The following CNTLN variants were observed in gnomAD, a reference collection of about 807,000 sequenced individuals.
CNTLN encodes centlein, centrosomal protein.
CNTLN carries 212 observed loss-of-function variants against 180.0 expected under a neutral mutation model. The ratio of observed to expected loss-of-function variants is 1.18; its 90% CI spans 1.05 to 1.32. The LOEUF is 1.32. CNTLN is among the 40% of genes most tolerant of loss of function. CNTLN has a pLI of 0.00. For synonymous variants in CNTLN, 722 were observed against 563.1 expected, an observed-to-expected ratio of 1.28 and a Z score of -3.99; for missense variants, 2,095 against 1,610.9, an observed-to-expected ratio of 1.30 and a Z score of -5.14.
Position 17,135,436 on chromosome 9 carries a change from G to C in CNTLN, c.360+11G>C, listed in dbSNP as rs12003380. On this transcript the variant is annotated intron_variant, in intron 1 of 25. Coordinates refer to ENST00000380647, the MANE Select transcript of CNTLN (RefSeq NM_017738.4). ...TTGGCCCTGTGTCAGGTATCGAGGA[G>C]TCTCGCAGTCCCCCTTTCCCCACCA... 731,576 of 1,584,032 alleles carry C rather than the reference G, an allele frequency of 0.46. 171,054 individuals carry two copies. Among genetic ancestry groups the C allele is most frequent in the East Asian group, 0.64 (28,118 of 43,952 alleles).
chr9:17,501,338 G>A (rs1320545751), intron 25 of CNTLN, among the ~76,000 whole-genome samples: 1 of 152,198 alleles, frequency 6.6e-6, no homozygotes, highest in Non-Finnish European at 1.5e-5. Context: ...ATGCTCTTTG[G>A]GTCTGAGGCA....
chr9:17,353,663 G>T, intron 12 of CNTLN, among the ~76,000 whole-genome samples: 1 of 149,766 alleles, frequency 6.7e-6, no homozygotes, highest in African/African-American at 2.5e-5. Context: ...GCAGTGGTGT[G>T]ATCTTGGCTC....
intron 18 of CNTLN, among the ~76,000 whole-genome samples, chr9:17,432,499 A>T (rs1200244490): frequency 6.6e-6 from 1 of 152,212 alleles, no homozygotes; most frequent in Non-Finnish European, 1.5e-5. Flanking sequence ...AATGAAAAAC[A>T]CAGAAGATAT....
intron 23 of CNTLN, among the ~76,000 whole-genome samples, chr9:17,478,534 T>G (rs1832474542): frequency 6.6e-6 from 1 of 151,734 alleles, no homozygotes; most frequent in South Asian, 2.1e-4. Context: ...TTTTTCTTTT[T>G]TTTTTTAAGA....
At chr9:17,307,972 CCACA>C (rs3837233) in intron 7 of CNTLN, among the ~76,000 whole-genome samples, 21,905 of 137,708 alleles carry the variant, frequency 0.16, 1,605 homozygotes, top group African/African-American at 0.18. Flanking sequence ...GCCTTTAAAA[CCACA>C]CACACACACA....
chr9:17,388,860 T>C (rs568024812), intron 14 of CNTLN, among the ~76,000 whole-genome samples: 1 of 151,986 alleles, frequency 6.6e-6, no homozygotes, highest in African/African-American at 2.4e-5. Flanking sequence ...TTTACCTTTA[T>C]AATTTTATAC....
intron 18 of CNTLN, among the ~76,000 whole-genome samples, chr9:17,428,036 A>G (rs1254559856): frequency 6.6e-6 from 1 of 152,216 alleles, no homozygotes; most frequent in Non-Finnish European, 1.5e-5. Context: ...ATTAAAGATT[A>G]CAGAGAGTGC....
intron 18 of CNTLN, among the ~76,000 whole-genome samples, chr9:17,417,546 C>T (rs986588729): frequency 6.6e-6 from 1 of 151,930 alleles, no homozygotes; most frequent in African/African-American, 2.4e-5. Context: ...ATTTACTAGA[C>T]CACTGGCTTT....
intron 2 of CNTLN, among the ~76,000 whole-genome samples, chr9:17,180,196 A>C (rs986993690): frequency 7.2e-6 from 1 of 138,068 alleles, no homozygotes; most frequent in Non-Finnish European, 1.6e-5. Flanking sequence ...TACGTGTGTC[A>C]TTTTGCTTTT....
chr9:17,486,445 G>T lies in CNTLN; in HGVS notation c.4042-544G>T, dbSNP rs543169679. ...AATATTCTGTCATGATAATTGATGG[G>T]TTGAAAATACTTTGTGACCTATAGC... On this transcript the variant is annotated intron_variant, in intron 24 of 25. Transcript: ENST00000380647. Among the ~76,000 whole-genome samples the T allele has an allele frequency of 2.6e-5, 4 of 152,068 alleles. No homozygotes were observed. The South Asian group carries it at 8.3e-4, about 32-fold the overall frequency.
At chr9:17,316,861 A>T (rs978823783) in intron 8 of CNTLN, among the ~76,000 whole-genome samples, 3 of 152,092 alleles carry the variant, frequency 2.0e-5, no homozygotes, top group Non-Finnish European at 4.4e-5. Context: ...CAGCAATCTC[A>T]TAGAAATTCA....
chr9:17,305,625 C>G (rs1204933631), intron 7 of CNTLN, among the ~76,000 whole-genome samples: 4 of 151,772 alleles, frequency 2.6e-5, no homozygotes, highest in Non-Finnish European at 4.4e-5. Flanking sequence ...GCAGGATCTC[C>G]TAGAGAATTA....
At chr9:17,249,215 T>C (rs997263366) in intron 5 of CNTLN, among the ~76,000 whole-genome samples, 5 of 152,166 alleles carry the variant, frequency 3.3e-5, no homozygotes, top group Non-Finnish European at 7.3e-5. Flanking sequence ...CTTATGGCTA[T>C]AAATTTCCTT....
chr9:17,504,828 TCC>T (rs1833903761), downstream of CNTLN, among the ~76,000 whole-genome samples: 1 of 152,180 alleles, frequency 6.6e-6, no homozygotes, highest in African/African-American at 2.4e-5. Context: ...AAAAGCTCAG[TCC>T]TGTCAGCACC....
At chr9:17,215,520 G>A (rs981402255) in intron 2 of CNTLN, among the ~76,000 whole-genome samples, 5 of 152,200 alleles carry the variant, frequency 3.3e-5, no homozygotes, top group African/African-American at 1.2e-4. Context: ...TGAGGAGGCA[G>A]TTTGACCATT....
In CNTLN at chr9:17,236,581, A is replaced by G. The variant is rs1258916411; in HGVS notation, c.842A>G (p.Lys281Arg). The change falls in exon 5 of 26, where the codon AAA becomes AGA. Residue 281 changes from lysine (K) to arginine (R), a missense_variant. Transcript: ENST00000380647. ...LRKEKYSTDA[K>R]IKTFEDNLIE... ...AAAGAAAAATATAGCACTGATGCAA[A>G]AATAAAGGTATACAATAGGAATGGA... The G allele has an allele frequency of 6.2e-7, 1 of 1,605,754 alleles. No homozygotes were observed. Among genetic ancestry groups the G allele is most frequent in the Admixed American group, 1.7e-5 (1 of 58,092 alleles).
intron 3 of CNTLN, among the ~76,000 whole-genome samples, chr9:17,231,565 A>G (rs977880588): frequency 6.6e-6 from 1 of 152,076 alleles, no homozygotes; most frequent in Non-Finnish European, 1.5e-5. Flanking sequence ...GCTCTTTAAC[A>G]TTATATTTCA....
At chr9:17,310,076 C>G (rs1471276304) in intron 8 of CNTLN, among the ~76,000 whole-genome samples, 1 of 152,058 alleles carries the variant, frequency 6.6e-6, no homozygotes, top group Non-Finnish European at 1.5e-5. Flanking sequence ...TTATGACATA[C>G]TATTGTATGC....
intron 2 of CNTLN, among the ~76,000 whole-genome samples, chr9:17,224,139 C>T (rs1305330558): frequency 6.6e-6 from 1 of 152,018 alleles, no homozygotes; most frequent in Non-Finnish European, 1.5e-5. Flanking sequence ...GAATTCCTTT[C>T]TTCGTTACCC....
Sources: gnomAD v4.1 joint callset for allele counts (sites outside exome capture counted in the v4.1 genomes callset) on GRCh38, gnomAD v4.1.1 for gene constraint, MANE v1.5 for transcripts, NCBI Gene and HGNC (gene_info 2026-07-23, HGNC 2026-07-21) for gene names.